The following ERI1 variants were observed in gnomAD, a reference collection of about 807,000 sequenced individuals.
ERI1 encodes the protein 3'-5' exoribonuclease 1.
Under a neutral mutation model 39.7 loss-of-function variants are expected in ERI1, and 39 were observed. The observed-to-expected ratio is 0.98, with a 90% CI of 0.76 to 1.28. ERI1 has a LOEUF of 1.28. Ranked by LOEUF, ERI1 falls within the 50% of genes most tolerant of loss-of-function variation. The probability of loss-of-function intolerance (pLI) is 0.00; values close to 1 mark genes in which losing one functional copy is unlikely to be tolerated. For missense variants in ERI1, 581 were observed against 416.9 expected, an observed-to-expected ratio of 1.39 and a Z score of -3.43; for synonymous variants, 204 against 149.6, an observed-to-expected ratio of 1.36 and a Z score of -2.65.
chr8:9,035,669 A>G (rs1019275076), downstream of ERI1, among the ~76,000 whole-genome samples: 1 of 152,254 alleles, frequency 6.6e-6, no homozygotes, highest in African/African-American at 2.4e-5. Context: ...TAATGCCTAC[A>G]AACACAATAT....
chr8:9,060,743 C>A (rs2117396408), intron 3 of ERI1, among the ~76,000 whole-genome samples: 1 of 152,326 alleles, frequency 6.6e-6, no homozygotes, highest in East Asian at 1.9e-4. Flanking sequence ...AGGAGAGAAA[C>A]TGGCCGTGAA....
intron 3 of ERI1, among the ~76,000 whole-genome samples, chr8:9,046,274 G>C (rs1798172483): frequency 6.6e-6 from 1 of 152,184 alleles, no homozygotes; most frequent in Non-Finnish European, 1.5e-5. Context: ...GCAGTGATGA[G>C]TCTGCCCTCC....
intron 6 of ERI1, among the ~76,000 whole-genome samples, chr8:9,025,698 TTTTTTGTGTG>T (rs1458096674): frequency 3.3e-5 from 4 of 122,144 alleles, no homozygotes; most frequent in Non-Finnish European, 7.3e-5. Flanking sequence ...TTAATCTTTT[TTTTTTGTGTG>T]TGTGTGTGTG....
chr8:9,029,810 A>G lies in ERI1; in HGVS notation c.826A>G (p.Lys276Glu). Residue 276 changes from lysine (K) to glutamate (E), a missense_variant, in exon 7 of 7, where the codon AAA becomes GAA. Physicochemically the swap from Lys to Glu is moderately conservative, Grantham distance 56. Transcript: ENST00000250263. ...NFYKVPRSQTKLTIMLEKLGM... is the reference protein window; with the variant it reads ...NFYKVPRSQTELTIMLEKLGM... ...TTTTCAGGTTCCTAGAAGCCAAACC[A>G]AACTGACAATAATGCTTGAAAAATT... 1 of 1,614,238 alleles carries G rather than the reference A, an allele frequency of 6.2e-7. No individual in the cohort carries two copies. The highest frequency in any genetic ancestry group is 8.5e-7 in the Non-Finnish European group (1 of 1,180,036).
intron 3 of ERI1, among the ~76,000 whole-genome samples, chr8:9,067,271 ATTAAG>A (rs1274848948): frequency 6.6e-6 from 1 of 152,052 alleles, no homozygotes; most frequent in African/African-American, 2.4e-5. Flanking sequence ...TGAAATCTGT[ATTAAG>A]TTTTCTAGAT....
At chr8:9,042,197 C>T (rs1028344616) in intron 3 of ERI1, among the ~76,000 whole-genome samples, 2 of 152,212 alleles carry the variant, frequency 1.3e-5, no homozygotes, top group African/African-American at 4.8e-5. Context: ...AGAGAAGGAA[C>T]TTGGAGGCTG....
chr8:9,071,251 T>C (rs1000105873), intron 3 of ERI1, among the ~76,000 whole-genome samples: 1 of 152,240 alleles, frequency 6.6e-6, no homozygotes, highest in African/African-American at 2.4e-5. Flanking sequence ...AATCTAATGA[T>C]AACCAGTTAA....
At chr8:9,036,141 C>T (rs1022738607), downstream of ERI1, among the ~76,000 whole-genome samples, 4 of 152,168 alleles carry the variant, frequency 2.6e-5, no homozygotes, top group African/African-American at 9.7e-5. Flanking sequence ...CTTGAAATGA[C>T]AGCAAAGGAT....
chr8:9,056,679 A>C (rs1478872740), intron 3 of ERI1, among the ~76,000 whole-genome samples: 1 of 152,148 alleles, frequency 6.6e-6, no homozygotes, highest in Non-Finnish European at 1.5e-5. Context: ...TGCCAGCACT[A>C]TTATAGTTTT....
At chr8:9,037,560 G>C (rs1270579799), downstream of ERI1, among the ~76,000 whole-genome samples, 2 of 150,110 alleles carry the variant, frequency 1.3e-5, no homozygotes, top group African/African-American at 2.5e-5. Flanking sequence ...GTTCTTACTT[G>C]TATCTCAAGA....
intron 4 of ERI1, among the ~76,000 whole-genome samples, chr8:9,016,944 A>T (rs934548616): frequency 3.3e-5 from 5 of 152,210 alleles, no homozygotes; most frequent in African/African-American, 1.2e-4. Context: ...CGGCCTGCCA[A>T]AGTGCTGGGA....
chr8:9,054,486 A>G (rs908156104), intron 3 of ERI1, among the ~76,000 whole-genome samples: 7 of 152,232 alleles, frequency 4.6e-5, no homozygotes, highest in Non-Finnish European at 8.8e-5. Flanking sequence ...TGACACCCCT[A>G]CAACAAAAGA....
chr8:9,077,822 G>T (rs1009143636), intron 3 of ERI1, among the ~76,000 whole-genome samples: 1 of 152,118 alleles, frequency 6.6e-6, no homozygotes, highest in East Asian at 1.9e-4. Flanking sequence ...CCCTCCGCAG[G>T]TACTCTCTGT....
At chr8:9,053,962 T>C (rs1459609814) in intron 3 of ERI1, among the ~76,000 whole-genome samples, 2 of 152,170 alleles carry the variant, frequency 1.3e-5, no homozygotes. Flanking sequence ...TGTTTGGAAG[T>C]GAAAGGAAAT....
chr8:9,029,390 A>G (rs914038627), intron 6 of ERI1, among the ~76,000 whole-genome samples: 1 of 152,038 alleles, frequency 6.6e-6, no homozygotes, highest in Non-Finnish European at 1.5e-5. Flanking sequence ...GTGCATTGGC[A>G]TGATCTCAGC....
chr8:9,064,476 G>A (rs529862138), intron 3 of ERI1, among the ~76,000 whole-genome samples: 35 of 149,398 alleles, frequency 2.3e-4, no homozygotes, highest in Non-Finnish European at 4.6e-4. Context: ...GACTGGCACC[G>A]GAGTTTTGGG....
chr8:9,037,891 T>TAAAA (rs33912518), downstream of ERI1, among the ~76,000 whole-genome samples: 1 of 145,788 alleles, frequency 6.9e-6, no homozygotes, highest in African/African-American at 2.5e-5. Flanking sequence ...ATTGCTGATT[T>TAAAA]AAAAAAAAAA....
chr8:9,004,013 G>A (rs982131711), intron 1 of ERI1: 2 of 1,157,760 alleles, frequency 1.7e-6, no homozygotes, highest in African/African-American at 3.2e-5. Context: ...GCTCTGCGGG[G>A]TCGGGTGCCT....
At chr8:9,097,389 G>A (rs1182089831) in intron 3 of ERI1, among the ~76,000 whole-genome samples, 2 of 152,164 alleles carry the variant, frequency 1.3e-5, no homozygotes, top group Non-Finnish European at 2.9e-5. Context: ...AGGGCCAGGT[G>A]CGGTGGCTCA....
Sources: gnomAD v4.1 joint callset for allele counts (sites outside exome capture counted in the v4.1 genomes callset) on GRCh38, gnomAD v4.1.1 for gene constraint, MANE v1.5 for transcripts, NCBI Gene and HGNC (gene_info 2026-07-23, HGNC 2026-07-21) for gene names.